The following ABCB5 variants were observed in gnomAD, a reference collection of about 807,000 sequenced individuals.
ABCB5 encodes the protein ATP binding cassette subfamily B member 5, also known as ATP-binding cassette sub-family B member 5.
In ABCB5, 155 loss-of-function variants were observed where a neutral mutation model predicts 144.2. The ratio of observed to expected loss-of-function variants is 1.08; its 90% confidence interval spans 0.94 to 1.23. The LOEUF (loss-of-function observed/expected upper bound fraction) is 1.23, where lower values mean the gene tolerates loss of function less well. ABCB5 is among the 50% of genes most tolerant of loss of function. The pLI, the probability that ABCB5 is intolerant of heterozygous loss-of-function variation, is 0.00. For missense variants in ABCB5, 1,830 were observed against 1,520.8 expected, an observed-to-expected ratio of 1.20 and a Z score of -3.38; for synonymous variants, 610 against 528.6, an observed-to-expected ratio of 1.15 and a Z score of -2.11.
intron 23 of ABCB5, among the ~76,000 whole-genome samples, chr7:20,732,749 T>A (rs1782262429): frequency 6.6e-6 from 1 of 152,194 alleles, no homozygotes. Flanking sequence ...TGATATAAAA[T>A]ATGATGTGTG....
At chr7:20,646,383 A>G (rs1784411176) in intron 9 of ABCB5, among the ~76,000 whole-genome samples, 1 of 152,224 alleles carries the variant, frequency 6.6e-6, no homozygotes, top group African/African-American at 2.4e-5. Flanking sequence ...GAAGAATCAT[A>G]ATTGAATTCC....
intron 24 of ABCB5, among the ~76,000 whole-genome samples, chr7:20,739,822 G>C (rs746320105): frequency 2.6e-5 from 4 of 152,058 alleles, no homozygotes; most frequent in African/African-American, 4.8e-5. Flanking sequence ...AAAAAGGAAA[G>C]TATACCTATT....
intron 20 of ABCB5, among the ~76,000 whole-genome samples, chr7:20,718,884 T>G (rs1781772495): frequency 6.6e-6 from 1 of 152,126 alleles, no homozygotes; most frequent in African/African-American, 2.4e-5. Context: ...GTTAGAAATT[T>G]AACAATAGGG....
chr7:20,721,281 C>T (rs933711545), intron 20 of ABCB5, among the ~76,000 whole-genome samples: 1 of 152,122 alleles, frequency 6.6e-6, no homozygotes. Flanking sequence ...CAGTTACAAG[C>T]GTATGGCTGT....
chr7:20,700,421 G>A (rs1004150210), intron 19 of ABCB5, among the ~76,000 whole-genome samples: 5 of 152,190 alleles, frequency 3.3e-5, no homozygotes, highest in Admixed American at 1.3e-4. Flanking sequence ...ATGATGTAGT[G>A]TTCTGGGATC....
intron 23 of ABCB5, among the ~76,000 whole-genome samples, chr7:20,734,290 A>G (rs1261612183): frequency 6.6e-6 from 1 of 151,728 alleles, no homozygotes; most frequent in East Asian, 1.9e-4. Context: ...AGAAATTTAC[A>G]AAGAAAACTC....
At chr7:20,735,278 A>G (rs1782347669) in intron 23 of ABCB5, among the ~76,000 whole-genome samples, 1 of 152,208 alleles carries the variant, frequency 6.6e-6, no homozygotes, top group African/African-American at 2.4e-5. Flanking sequence ...AAGAAACCAC[A>G]TTGTATTTCC....
At chr7:20,633,311 T>G (rs1784078841) in intron 5 of ABCB5, among the ~76,000 whole-genome samples, 1 of 152,090 alleles carries the variant, frequency 6.6e-6, no homozygotes, top group Non-Finnish European at 1.5e-5. Context: ...CCTTTCTCAG[T>G]ATATTGACTG....
At chr7:20,752,126 A>T (rs550126685) in intron 26 of ABCB5, among the ~76,000 whole-genome samples, 1 of 152,348 alleles carries the variant, frequency 6.6e-6, no homozygotes, top group South Asian at 2.1e-4. Flanking sequence ...ACACAAAATG[A>T]ACAGCTAGGA....
chr7:20,635,970 A>C (rs1162282404), intron 5 of ABCB5, among the ~76,000 whole-genome samples: 2 of 152,292 alleles, frequency 1.3e-5, no homozygotes, highest in Non-Finnish European at 2.9e-5. Flanking sequence ...CTCATTCTCA[A>C]TCACATGTCA....
intron 14 of ABCB5, chr7:20,667,644 T>C (rs547731997): frequency 1.2e-6 from 1 of 811,974 alleles, no homozygotes; most frequent in East Asian, 1.3e-4. Context: ...GAGATCTGTT[T>C]GCTTTTGGAA....
intron 13 of ABCB5, among the ~76,000 whole-genome samples, chr7:20,654,449 A>T (rs992562160): frequency 4.2e-5 from 6 of 142,554 alleles, no homozygotes; most frequent in Non-Finnish European, 7.5e-5. Flanking sequence ...TAGAACAAGC[A>T]GGTGGAATAT....
In ABCB5 at chr7:20,685,884, T is replaced by C. The variant is rs112467765; in HGVS notation, c.2010+48T>C. On this transcript the variant is annotated intron_variant, in intron 16 of 27. Transcript: ENST00000404938. ...GTTTTTCCTGCATGTTTTCTAATTT[T>C]GATTTAATCCTTACAAAATTTAAAA... 1,006 of 1,538,790 alleles carry C rather than the reference T, an allele frequency of 6.5e-4. 9 individuals are homozygous for C. In the African/African-American group the frequency reaches 0.012, roughly 18 times the overall value.
chr7:20,665,760 T>TAGAA (rs113676764), intron 14 of ABCB5, among the ~76,000 whole-genome samples: 10 of 138,218 alleles, frequency 7.2e-5, no homozygotes, highest in Middle Eastern at 7.0e-3. Context: ...GATAGATAGA[T>TAGAA]AGATAGAGAT....
intron 3 of ABCB5, among the ~76,000 whole-genome samples, chr7:20,626,854 G>GGGGT (rs1554278226): frequency 7.4e-4 from 106 of 143,758 alleles, no homozygotes; most frequent in Non-Finnish European, 1.1e-3. Flanking sequence ...GTGTTTTTGG[G>GGGGT]GTGTGTGTGT....
intron 14 of ABCB5, among the ~76,000 whole-genome samples, chr7:20,666,305 T>G (rs1293658174): frequency 6.6e-6 from 1 of 152,238 alleles, no homozygotes. Flanking sequence ...AGGTTTTCTA[T>G]GCCACACTTG....
chr7:20,623,908 G>A (rs1783853660), intron 2 of ABCB5, among the ~76,000 whole-genome samples: 1 of 152,166 alleles, frequency 6.6e-6, no homozygotes, highest in Non-Finnish European at 1.5e-5. Flanking sequence ...TCCAGGTCAT[G>A]TAGTTTATTA....
intron 20 of ABCB5, among the ~76,000 whole-genome samples, chr7:20,718,855 C>T (rs1041579522): frequency 2.0e-5 from 3 of 151,948 alleles, no homozygotes; most frequent in Non-Finnish European, 4.4e-5. Flanking sequence ...AGAATTACAC[C>T]TTTTAAGGTG....
Position 20,753,393 on chromosome 7 carries a change from C to T in ABCB5, c.3463C>T (p.Gln1155Ter). Reference protein sequence around the residue: ...YNTQVGLKGAQLSGGQKQRLA... With the variant: ...YNTQVGLKGA ...CACACAAGTTGGACTGAAAGGAGCA[C>T]AGCTTTCTGGCGGCCAGAAACAAAG... Residue 1155 changes from glutamine to a stop codon, truncating the protein, a stop_gained, in exon 27 of 28, where the codon CAG (glutamine) becomes TAG (stop). Transcript: ENST00000404938. LOFTEE classifies it high-confidence loss of function. 1.2e-6 allele frequency: 2 copies of T among 1,614,084 alleles called. No individual in the cohort carries two copies. Among genetic ancestry groups the T allele is most frequent in the South Asian group, 2.2e-5 (2 of 91,060 alleles).
Sources: allele counts gnomAD v4.1 joint callset (sites outside exome capture counted in the v4.1 genomes callset), GRCh38; gene constraint gnomAD v4.1.1; transcripts MANE v1.5; gene names NCBI Gene and HGNC (gene_info 2026-07-23, HGNC 2026-07-21).